The following CNTNAP4 variants were observed in gnomAD, a reference collection of about 807,000 sequenced individuals.
CNTNAP4 encodes contactin associated protein family member 4, also known as contactin-associated protein-like 4.
Under a neutral mutation model 148.4 loss-of-function variants are expected in CNTNAP4, and 98 were observed. That is an observed-to-expected ratio of 0.66 (90% CI 0.56 to 0.78). The LOEUF is 0.78. Among genes scored for constraint, CNTNAP4 ranks in the 30% least tolerant of loss-of-function variants. The pLI is 0.00. For synonymous variants in CNTNAP4, 730 were observed against 565.1 expected (o/e 1.29, Z -4.14); for missense variants, 1,935 against 1,565.6 (o/e 1.24, Z -3.98).
chr16:76,402,472 T>C (rs2078453798), intron 3 of CNTNAP4, among the ~76,000 whole-genome samples: 1 of 152,040 alleles, frequency 6.6e-6, no homozygotes, highest in African/African-American at 2.4e-5. Context: ...ACCTATCTTA[T>C]CAATTTTTAT....
At chr16:76,484,374 A>G (rs2081950178) in intron 12 of CNTNAP4, among the ~76,000 whole-genome samples, 2 of 151,774 alleles carry the variant, frequency 1.3e-5, no homozygotes, top group African/African-American at 4.8e-5. Flanking sequence ...AAAAGAGGAC[A>G]TTCAGAAAAT....
chr16:76,311,178 A>G (rs1961064077), intron 1 of CNTNAP4, among the ~76,000 whole-genome samples: 1 of 152,180 alleles, frequency 6.6e-6, no homozygotes, highest in Non-Finnish European at 1.5e-5. Context: ...TTATTTGCTT[A>G]TGAGAATTAT....
chr16:76,536,527 A>G (rs191844055), intron 18 of CNTNAP4, among the ~76,000 whole-genome samples: 182 of 152,292 alleles, frequency 1.2e-3, no homozygotes, highest in African/African-American at 4.3e-3. Flanking sequence ...AAGATATTCA[A>G]CAATGCAAGG....
At chr16:76,303,822 G>A (rs1960218170) in intron 1 of CNTNAP4, among the ~76,000 whole-genome samples, 1 of 152,048 alleles carries the variant, frequency 6.6e-6, no homozygotes, top group African/African-American at 2.4e-5. Flanking sequence ...TGCATCGTAA[G>A]AACAGTTTTA....
chr16:76,416,925 C>T (rs1450852973), intron 3 of CNTNAP4, among the ~76,000 whole-genome samples: 1 of 151,386 alleles, frequency 6.6e-6, no homozygotes, highest in African/African-American at 2.4e-5. Context: ...ATTTTACCAT[C>T]TTGGAAAATT....
chr16:76,396,712 C>A (rs1337637426), intron 3 of CNTNAP4, among the ~76,000 whole-genome samples: 2 of 152,206 alleles, frequency 1.3e-5, no homozygotes, highest in Admixed American at 1.3e-4. Context: ...GCATCCTTCA[C>A]CTCATGCCTA....
At chr16:76,283,984 T>C (rs1414333251) in intron 1 of CNTNAP4, among the ~76,000 whole-genome samples, 1 of 152,052 alleles carries the variant, frequency 6.6e-6, no homozygotes, top group Admixed American at 6.6e-5. Context: ...GTTGAATATA[T>C]CTGATGAAAT....
At chr16:76,301,332 A>G (rs905237695) in intron 1 of CNTNAP4, among the ~76,000 whole-genome samples, 4 of 152,302 alleles carry the variant, frequency 2.6e-5, no homozygotes, top group Non-Finnish European at 4.4e-5. Flanking sequence ...AAAATCCAAA[A>G]ACAAAAATTT....
Position 76,370,847 on chromosome 16 carries a change from A to G in CNTNAP4, c.390+15336A>G, listed in dbSNP as rs1233517842. Among the ~76,000 whole-genome samples, 91 of 152,306 alleles carry G rather than the reference A, an allele frequency of 6.0e-4. 1 individual carries two copies. The highest frequency in any genetic ancestry group is 5.9e-3 in the Admixed American group (90 of 15,298). ...AAAGAAAATAGATCAATATTTTGAT[A>G]CTGAGGAAATTGAGATTTAAGATAA... On this transcript the variant is annotated intron_variant, in intron 3 of 23. Transcript: ENST00000611870.
In CNTNAP4 at chr16:76,521,157, G is replaced by C; in HGVS notation, c.2383G>C (p.Ala795Pro). The change falls in exon 16 of 24, where the codon GCT becomes CCT. Residue 795 changes from alanine to proline, a missense_variant. Ala to Pro is a conservative substitution (Grantham distance 27). Transcript: ENST00000611870. ...CQGDRSFWNSASFDTEASYLH... is the reference protein window; with the variant it reads ...CQGDRSFWNSPSFDTEASYLH... Reference sequence around the variant, plus strand: ...CAAAACAGGATCATTTTGGAATTCAGCTTCCTTTGATACCGAGGCTTCATA... The same window carrying C: ...CAAAACAGGATCATTTTGGAATTCACCTTCCTTTGATACCGAGGCTTCATA... The C allele has an allele frequency of 6.3e-7, 1 of 1,580,794 alleles. No homozygotes were observed. The highest frequency in any genetic ancestry group is 8.6e-7 in the Non-Finnish European group (1 of 1,169,478).
intron 3 of CNTNAP4, among the ~76,000 whole-genome samples, chr16:76,410,252 G>A (rs549541028): frequency 6.6e-6 from 1 of 151,704 alleles, no homozygotes; most frequent in African/African-American, 2.4e-5. Context: ...AAAAAATGTT[G>A]TCTACAAAGA....
intron 21 of CNTNAP4, among the ~76,000 whole-genome samples, chr16:76,551,117 T>A (rs1190820855): frequency 6.6e-6 from 1 of 152,108 alleles, no homozygotes; most frequent in Admixed American, 6.6e-5. Flanking sequence ...TTTAAAAACT[T>A]AGATATAACT....
At chr16:76,397,213 T>C (rs1278073777) in intron 3 of CNTNAP4, among the ~76,000 whole-genome samples, 2 of 151,812 alleles carry the variant, frequency 1.3e-5, no homozygotes, top group East Asian at 3.9e-4. Flanking sequence ...AGAGAACAGT[T>C]TCCAAGCAGA....
At chr16:76,550,006 A>G (rs1450801679) in intron 21 of CNTNAP4, among the ~76,000 whole-genome samples, 1 of 152,202 alleles carries the variant, frequency 6.6e-6, no homozygotes, top group Non-Finnish European at 1.5e-5. Flanking sequence ...ACACTTAGGG[A>G]CAATCTGATG....
chr16:76,448,631 G>T (rs1209106702), intron 5 of CNTNAP4, 136 bp from the exon 6 acceptor site: 6 of 605,014 alleles, frequency 9.9e-6, no homozygotes, highest in Admixed American at 3.6e-5. Flanking sequence ...TCGGGGAAAT[G>T]CATCCTAGTA....
At chr16:76,442,722 C>T (rs904233040) in intron 4 of CNTNAP4, among the ~76,000 whole-genome samples, 2 of 152,036 alleles carry the variant, frequency 1.3e-5, no homozygotes, top group African/African-American at 4.8e-5. Flanking sequence ...CACTCACTAC[C>T]CTGAGAACAG....
intron 3 of CNTNAP4, among the ~76,000 whole-genome samples, chr16:76,374,872 G>T (rs2015253897): frequency 6.6e-6 from 1 of 151,732 alleles, no homozygotes; most frequent in African/African-American, 2.4e-5. Context: ...GGGTTCAAAT[G>T]ATTCTCCTGC....
At chr16:76,332,159 T>C (rs1963585149) in intron 2 of CNTNAP4, among the ~76,000 whole-genome samples, 1 of 152,248 alleles carries the variant, frequency 6.6e-6, no homozygotes, top group South Asian at 2.1e-4. Flanking sequence ...GGTTTGATTG[T>C]AATGTGTCTC....
chr16:76,378,897 T>C (rs2015695761), intron 3 of CNTNAP4, among the ~76,000 whole-genome samples: 1 of 152,172 alleles, frequency 6.6e-6, no homozygotes, highest in Non-Finnish European at 1.5e-5. Flanking sequence ...GCCATCTTTG[T>C]GTGGTGAAGA....
Sources: gnomAD v4.1 joint callset for allele counts (sites outside exome capture counted in the v4.1 genomes callset) on GRCh38, gnomAD v4.1.1 for gene constraint, MANE v1.5 for transcripts, NCBI Gene and HGNC (gene_info 2026-07-23, HGNC 2026-07-21) for gene names.